The following HIVEP3 variants were observed in gnomAD, a reference collection of about 807,000 sequenced individuals.
HIVEP3 encodes HIVEP zinc finger 3.
In HIVEP3, 49 loss-of-function variants were observed where a neutral mutation model predicts 152.8. The ratio of observed to expected loss-of-function variants is 0.32; its 90% CI spans 0.26 to 0.41. The LOEUF (loss-of-function observed/expected upper bound fraction) is 0.41, where lower values mean the gene tolerates loss of function less well. Among genes scored for constraint, HIVEP3 ranks in the 10% least tolerant of loss-of-function variants. The pLI, the probability that HIVEP3 is intolerant of heterozygous loss-of-function variation, is 1.00. For synonymous variants in HIVEP3, 1,269 were observed against 1,289.0 expected, an observed-to-expected ratio of 0.98 and a Z score of 0.33; for missense variants, 2,790 against 3,103.3, an observed-to-expected ratio of 0.90 and a Z score of 2.40.
At chr1:41,636,344 A>G (rs1316412402) in intron 2 of HIVEP3, among the ~76,000 whole-genome samples, 1 of 152,246 alleles carries the variant, frequency 6.6e-6, no homozygotes, top group East Asian at 1.9e-4. Context: ...ACATCCTATA[A>G]AAGCAAGTTC....
At chr1:41,823,496 C>T (rs1056694606) in intron 1 of HIVEP3, among the ~76,000 whole-genome samples, 2 of 152,250 alleles carry the variant, frequency 1.3e-5, no homozygotes, top group Non-Finnish European at 2.9e-5. Flanking sequence ...TTCTGTGCCA[C>T]ATGCCAAGAG....
At chr1:41,541,027 C>A (rs1345628602) in intron 5 of HIVEP3, among the ~76,000 whole-genome samples, 1 of 152,122 alleles carries the variant, frequency 6.6e-6, no homozygotes, top group Admixed American at 6.5e-5. Context: ...GTGGTCACGG[C>A]TCAGAGGACT....
chr1:41,751,593 G>C (rs1027967403), intron 1 of HIVEP3, among the ~76,000 whole-genome samples: 3 of 152,082 alleles, frequency 2.0e-5, no homozygotes. Flanking sequence ...TGCACCTTCA[G>C]GTGTGCGTTC....
intron 5 of HIVEP3, among the ~76,000 whole-genome samples, chr1:41,547,925 C>T (rs547179327): frequency 6.6e-6 from 1 of 152,266 alleles, no homozygotes; most frequent in African/African-American, 2.4e-5. Flanking sequence ...TGGCCATCCC[C>T]CACTCCAGCC....
intron 7 of HIVEP3, among the ~76,000 whole-genome samples, chr1:41,517,459 C>T (rs1642640650): frequency 6.6e-6 from 1 of 152,198 alleles, no homozygotes; most frequent in Non-Finnish European, 1.5e-5. Flanking sequence ...ACTTATTCCA[C>T]CTAAAAGGAA....
chr1:41,875,824 T>C (rs1038150518), intron 1 of HIVEP3, among the ~76,000 whole-genome samples: 3 of 152,238 alleles, frequency 2.0e-5, no homozygotes, highest in Non-Finnish European at 2.9e-5. Context: ...GAATTTTTAT[T>C]CTCTATCCCT....
chr1:41,799,742 A>C (rs556259647), intron 1 of HIVEP3, among the ~76,000 whole-genome samples: 1 of 152,304 alleles, frequency 6.6e-6, no homozygotes, highest in African/African-American at 2.4e-5. Flanking sequence ...ACTCAGAAAG[A>C]AGAGTTTTAA....
At chr1:41,921,932 C>T (rs114681045), upstream of HIVEP3, among the ~76,000 whole-genome samples, 614 of 152,246 alleles carry the variant, frequency 4.0e-3, 7 homozygotes, top group African/African-American at 0.014. Context: ...ACACCACACA[C>T]ACACACACCA....
At chr1:41,695,041 A>T (rs1342060705) in intron 2 of HIVEP3, among the ~76,000 whole-genome samples, 1 of 152,136 alleles carries the variant, frequency 6.6e-6, no homozygotes, top group Non-Finnish European at 1.5e-5. Context: ...CTAAACCAAG[A>T]CAGTCCCTAG....
In HIVEP3 at chr1:41,847,894, A is replaced by T. The variant is rs553585288; in HGVS notation, c.-801+70519T>A. On this transcript the variant is annotated intron_variant, in intron 1 of 8. Transcript: ENST00000372583. The stretch of plus-strand genomic sequence containing the variant: ...AGGGGAGAGGAGAAGGGCATCAAGG[A>T]GCTGACCAGGAGACACACTGATCTG... 3 of 152,732 alleles carry T rather than the reference A, an allele frequency of 2.0e-5. No individual in the cohort carries two copies. In the South Asian group the frequency reaches 6.2e-4, roughly 32 times the overall value. 9.5% of individuals were successfully genotyped at this position (152,732 alleles called of 1,614,324 possible).
chr1:41,919,633 T>C (rs1644923740), upstream of HIVEP3, among the ~76,000 whole-genome samples: 1 of 152,194 alleles, frequency 6.6e-6, no homozygotes, highest in East Asian at 1.9e-4. Context: ...TTGAGTTCTG[T>C]TGTTTTGTTT....
chr1:41,795,174 C>T (rs769517236), intron 1 of HIVEP3, among the ~76,000 whole-genome samples: 1 of 152,224 alleles, frequency 6.6e-6, no homozygotes, highest in Non-Finnish European at 1.5e-5. Flanking sequence ...CAGGATCTGA[C>T]ATTGCATTTA....
chr1:41,713,104 T>C (rs1164435901), intron 1 of HIVEP3, among the ~76,000 whole-genome samples: 1 of 152,066 alleles, frequency 6.6e-6, no homozygotes, highest in Admixed American at 6.5e-5. Flanking sequence ...GAGGATTAAA[T>C]AAAGTAAGAA....
upstream of HIVEP3, among the ~76,000 whole-genome samples, chr1:41,919,273 A>G (rs1644919798): frequency 6.6e-6 from 1 of 152,204 alleles, no homozygotes; most frequent in Admixed American, 6.5e-5. Context: ...TTCACGGGTC[A>G]GACGAGACAG....
rs751877282 is a variant in HIVEP3, at chr1:41,918,212, G to A, written c.-801+201C>T. Among the ~76,000 whole-genome samples the A allele has an allele frequency of 1.0e-3, 155 of 152,256 alleles. No homozygotes were observed. Among genetic ancestry groups the A allele is most frequent in the Middle Eastern group, 6.9e-3 (2 of 290 alleles). On this transcript the variant is annotated intron_variant, in intron 1 of 8. Transcript: ENST00000372583. This position sits in a 1 kb window ranked among gnomAD's most constrained non-coding sequence, Gnocchi z 4.3. ...CCGAGCAGCGCGCTCAGCCCACCGG[G>A]GGCACTGGCCGCCACGCGCAGCCCA...
intron 1 of HIVEP3, among the ~76,000 whole-genome samples, chr1:41,757,115 T>TATTATTATA (rs1283520707): frequency 2.0e-5 from 3 of 147,542 alleles, no homozygotes; most frequent in Non-Finnish European, 4.5e-5. Flanking sequence ...TTATTATTAT[T>TATTATTATA]ATTATTATTA....
intron 3 of HIVEP3, among the ~76,000 whole-genome samples, chr1:41,600,142 A>T (rs932418118): frequency 1.4e-4 from 21 of 152,218 alleles, no homozygotes; most frequent in Non-Finnish European, 7.4e-5. Flanking sequence ...TGCAGCCTCT[A>T]TGGAAAACAC....
intron 1 of HIVEP3, among the ~76,000 whole-genome samples, chr1:42,029,912 C>G (rs540425817): frequency 6.6e-6 from 1 of 152,172 alleles, no homozygotes; most frequent in Non-Finnish European, 1.5e-5. Flanking sequence ...AAAAGAAAGC[C>G]CTGTTTCCAA....
At chr1:41,753,962 G>A (rs1647213305) in intron 1 of HIVEP3, among the ~76,000 whole-genome samples, 1 of 152,180 alleles carries the variant, frequency 6.6e-6, no homozygotes, top group Admixed American at 6.5e-5. Flanking sequence ...AGGCAGCAAA[G>A]GCAATGCTGG....
Sources: allele counts gnomAD v4.1 joint callset (sites outside exome capture counted in the v4.1 genomes callset), GRCh38; gene constraint gnomAD v4.1.1; non-coding constraint Gnocchi (gnomAD v3.1); transcripts MANE v1.5; gene names NCBI Gene and HGNC (gene_info 2026-07-23, HGNC 2026-07-21).